ALG6: variants seen among roughly 807,000 people sequenced by gnomAD.
ALG6 encodes ALG6 alpha-1,3-glucosyltransferase.
A neutral mutation model predicts 66.6 loss-of-function variants in ALG6; 46 were observed. The observed-to-expected ratio is 0.69, with a 90% confidence interval of 0.55 to 0.88. The LOEUF is 0.88. ALG6 is among the 40% of genes least tolerant of loss of function. The pLI, the probability that ALG6 is intolerant of heterozygous loss-of-function variation, is 0.00. For missense variants in ALG6, 505 were observed against 586.8 expected, an observed-to-expected ratio of 0.86 and a Z score of 1.44; for synonymous variants, 185 against 203.7, an observed-to-expected ratio of 0.91 and a Z score of 0.78.
intron 2 of ALG6, among the ~76,000 whole-genome samples, chr1:63,390,230 G>A (rs1488999380): frequency 6.6e-6 from 1 of 152,146 alleles, no homozygotes; most frequent in African/African-American, 2.4e-5. Flanking sequence ...CCAAGGCCTG[G>A]AGTTAGGAAC....
intron 2 of ALG6, among the ~76,000 whole-genome samples, chr1:63,374,315 T>A (rs1292021416): frequency 6.6e-6 from 1 of 152,128 alleles, no homozygotes; most frequent in Non-Finnish European, 1.5e-5. Context: ...TTCTATCAAG[T>A]GGGGTATTAA....
At chr1:63,381,194 C>T (rs1330003547) in intron 2 of ALG6, among the ~76,000 whole-genome samples, 12 of 152,114 alleles carry the variant, frequency 7.9e-5, no homozygotes, top group Non-Finnish European at 1.3e-4. Flanking sequence ...GTGGCTCACG[C>T]CTGTAATCCC....
chr1:63,413,145 A>G (rs907837977), intron 9 of ALG6, among the ~76,000 whole-genome samples: 1 of 152,144 alleles, frequency 6.6e-6, no homozygotes, highest in Non-Finnish European at 1.5e-5. Flanking sequence ...TCTCCACTTT[A>G]CAGATTAGAA....
intron 2 of ALG6, among the ~76,000 whole-genome samples, chr1:63,386,135 T>G (rs1648495684): frequency 6.6e-6 from 1 of 152,248 alleles, no homozygotes; most frequent in South Asian, 2.1e-4. Context: ...TTGCATATGT[T>G]GAGCCATTCT....
chr1:63,379,634 C>T (rs1465390450), intron 2 of ALG6, among the ~76,000 whole-genome samples: 1 of 151,730 alleles, frequency 6.6e-6, no homozygotes, highest in Non-Finnish European at 1.5e-5. Context: ...CTACACTTTG[C>T]TGTTGTTTCT....
intron 2 of ALG6, among the ~76,000 whole-genome samples, chr1:63,382,675 T>G (rs1384444719): frequency 1.9e-4 from 24 of 129,392 alleles, no homozygotes; most frequent in Non-Finnish European, 3.1e-4. Context: ...GTTTTTTTTT[T>G]TTTGTTTTTT....
chr1:63,373,603 A>C (rs1359807670), intron 2 of ALG6, among the ~76,000 whole-genome samples: 1 of 151,244 alleles, frequency 6.6e-6, no homozygotes, highest in African/African-American at 2.4e-5. Flanking sequence ...TCAAAAAAAA[A>C]CAAAACAACA....
chr1:63,399,890 T>C (rs1247679151), intron 3 of ALG6, among the ~76,000 whole-genome samples: 2 of 151,854 alleles, frequency 1.3e-5, no homozygotes, highest in Admixed American at 1.3e-4. Context: ...AGACAACTTT[T>C]TGGGTATTGA....
intron 10 of ALG6, among the ~76,000 whole-genome samples, chr1:63,415,509 T>C (rs1222615885): frequency 3.3e-5 from 5 of 152,204 alleles, no homozygotes; most frequent in Non-Finnish European, 7.3e-5. Flanking sequence ...GTTACAGATA[T>C]AGCATTATCT....
Position 63,412,015 on chromosome 1 carries a change from T to C in ALG6, c.770T>C (p.Leu257Pro). The change falls in exon 9 of 15, where the codon CTG becomes CCG. Residue 257 changes from leucine to proline, a missense_variant. Leu to Pro is a moderately conservative substitution (Grantham distance 98, BLOSUM62 -3). Coordinates refer to ENST00000263440, the MANE Select transcript of ALG6 (RefSeq NM_013339.4). ...TTCTTTACAGAAAGGGAACAAACCC[T>C]GCAGGTTCTAAGAAGACTCTTCCCG... Reference protein sequence around the residue: ...LPFFTEREQTLQVLRRLFPVD... With the variant: ...LPFFTEREQTPQVLRRLFPVD... The C allele has an allele frequency of 6.2e-7, 1 of 1,614,134 alleles. No homozygotes were observed. Among genetic ancestry groups the C allele is most frequent in the Non-Finnish European group, 8.5e-7 (1 of 1,179,988 alleles).
chr1:63,388,082 A>AT (rs546753035), intron 2 of ALG6, among the ~76,000 whole-genome samples: 4 of 150,722 alleles, frequency 2.7e-5, no homozygotes, highest in Admixed American at 6.6e-5. Context: ...ATGCCCGGCT[A>AT]TTTTTTTTGT....
intron 12 of ALG6, among the ~76,000 whole-genome samples, chr1:63,422,298 GATATA>G (rs1644586644): frequency 2.5e-4 from 15 of 60,894 alleles, no homozygotes; most frequent in Admixed American, 4.2e-4. Context: ...TATTTATATA[GATATA>G]AATATATATC....
chr1:63,398,797 A>G (rs1390080837), intron 3 of ALG6, among the ~76,000 whole-genome samples: 1 of 152,000 alleles, frequency 6.6e-6, no homozygotes, highest in African/African-American at 2.4e-5. Context: ...TCTTTTCAAA[A>G]TTGCTTGTTC....
At chr1:63,434,146 CCTATGGTAG>C (rs1273542160) in intron 14 of ALG6, among the ~76,000 whole-genome samples, 1 of 152,004 alleles carries the variant, frequency 6.6e-6, no homozygotes, top group Non-Finnish European at 1.5e-5. Flanking sequence ...TTAAAAGGTC[CCTATGGTAG>C]CTATGTGGAG....
chr1:63,400,063 G>T (rs973191636), intron 3 of ALG6, among the ~76,000 whole-genome samples: 3 of 149,388 alleles, frequency 2.0e-5, no homozygotes, highest in Non-Finnish European at 3.0e-5. Context: ...GCGTGGTGGT[G>T]CATGCCTGTA....
rs146094200 is a variant in ALG6, at chr1:63,419,387, A to G, written c.1005A>G (p.Ser335=). Residue 335 remains serine, a synonymous_variant, in exon 12 of 15, where the codon TCA becomes TCG. Transcript: ENST00000263440. ...FKFTLVSCAL[S]FFLFSFQVHE... is the part of the protein sequence containing the mutation. ...TCTTAAAGGTTAGCTGTGCGCTATC[A>G]TTCTTTTTATTTTCTTTCCAAGTAC... The G allele has an allele frequency of 1.2e-5, 20 of 1,609,834 alleles. No homozygotes were observed. The highest frequency in any genetic ancestry group is 1.6e-5 in the Non-Finnish European group (19 of 1,178,074).
chr1:63,385,521 G>C (rs1476200013), intron 2 of ALG6, among the ~76,000 whole-genome samples: 1 of 152,046 alleles, frequency 6.6e-6, no homozygotes. Flanking sequence ...TTGAGCCACT[G>C]TGCTTGGCCT....
intron 10 of ALG6, among the ~76,000 whole-genome samples, chr1:63,414,919 G>GA (rs1644537506): frequency 6.6e-6 from 1 of 152,196 alleles, no homozygotes; most frequent in African/African-American, 2.4e-5. Flanking sequence ...TGCTGTTAGG[G>GA]AAGGCCTCAG....
chr1:63,399,406 G>A (rs1167715689), intron 3 of ALG6, among the ~76,000 whole-genome samples: 1 of 152,142 alleles, frequency 6.6e-6, no homozygotes, highest in African/African-American at 2.4e-5. Flanking sequence ...GGGATTGTAT[G>A]CACGCAGGAG....
Sources: gnomAD v4.1 joint callset for allele counts (sites outside exome capture counted in the v4.1 genomes callset) on GRCh38, gnomAD v4.1.1 for gene constraint, MANE v1.5 for transcripts, NCBI Gene and HGNC (gene_info 2026-07-23, HGNC 2026-07-21) for gene names.